PCDHGA1: variants seen among roughly 807,000 people sequenced by gnomAD.
PCDHGA1 encodes protocadherin gamma subfamily A, 1.
Under a neutral mutation model 58.0 loss-of-function variants are expected in PCDHGA1, and 32 were observed. That is an observed-to-expected ratio of 0.55 (90% CI 0.42 to 0.74). PCDHGA1 has a LOEUF of 0.74. Ranked by LOEUF, PCDHGA1 falls within the 30% of genes least tolerant of loss-of-function variation. PCDHGA1 has a pLI of 0.00. For synonymous variants in PCDHGA1, 498 were observed against 501.1 expected, an observed-to-expected ratio of 0.99 and a Z score of 0.08; for missense variants, 1,205 against 1,182.3, an observed-to-expected ratio of 1.02 and a Z score of -0.28.
In PCDHGA1 at chr5:141,361,444, A is replaced by G. The variant is rs750659023; in HGVS notation, c.2421+28339A>G. 4.3e-6 allele frequency: 7 copies of G among 1,613,988 alleles called. No individual in the cohort carries two copies. The Admixed American group carries it at 1.0e-4, about 23-fold the overall frequency. ...CAAGCCGCCCCTCTCCTCCAGCATA[A>G]TTGTCACCCTGCACATCTCCGACGT... On this transcript the variant is annotated intron_variant, in intron 1 of 3. Transcript: ENST00000517417.
At chr5:141,371,659 T>A (rs762117464) in intron 1 of PCDHGA1, 4 of 1,613,850 alleles carry the variant, frequency 2.5e-6, no homozygotes. Flanking sequence ...AATGTGACGA[T>A]CACAGCTACC....
chr5:141,408,442 G>A lies in PCDHGA1; in HGVS notation c.2421+75337G>A, dbSNP rs774397781. On this transcript the variant is annotated intron_variant, in intron 1 of 3. Transcript: ENST00000517417. ...AGCTGCACTTCAGCGTAGACGCGGA[G>A]AGCGGGGACTTACTTGTGAAGAACC... is the stretch of plus-strand genomic sequence containing the variant. 8.7e-6 allele frequency: 14 copies of A among 1,614,080 alleles called. 1 individual carries two copies. The South Asian group carries it at 1.5e-4, about 18-fold the overall frequency.
intron 1 of PCDHGA1, chr5:141,372,026 C>T (rs1469685060): frequency 6.2e-7 from 1 of 1,613,330 alleles, no homozygotes; most frequent in Non-Finnish European, 8.5e-7. Flanking sequence ...CGCTCAGCGC[C>T]AACGTGAGCC....
chr5:141,375,475 C>T (rs774489564), intron 1 of PCDHGA1: 2 of 1,614,002 alleles, frequency 1.2e-6, no homozygotes, highest in East Asian at 2.2e-5. Context: ...TCCTTGAAAA[C>T]AACCCCAGGG....
At chr5:141,362,647 G>A (rs1762612378) in intron 1 of PCDHGA1, 3 of 1,443,954 alleles carry the variant, frequency 2.1e-6, no homozygotes, top group South Asian at 1.4e-5. Context: ...TTGTCTGTGA[G>A]TTAGATTTGG....
At chr5:141,335,079 CTT>C (rs1756549691) in intron 1 of PCDHGA1, among the ~76,000 whole-genome samples, 1 of 152,086 alleles carries the variant, frequency 6.6e-6, no homozygotes, top group Non-Finnish European at 1.5e-5. Flanking sequence ...CTATTGAAGA[CTT>C]TCTCTCATTC....
Position 141,486,862 on chromosome 5 carries a change from A to G in PCDHGA1, c.2422-7945A>G. The G allele has an allele frequency of 6.2e-7, 1 of 1,614,256 alleles. No individual in the cohort carries two copies. The highest frequency in any genetic ancestry group is 1.3e-5 in the African/African-American group (1 of 75,078). On this transcript the variant is annotated intron_variant, in intron 1 of 3. Transcript: ENST00000517417. This position sits in a 1 kb window ranked among gnomAD's most constrained non-coding sequence, Gnocchi z 5.0. Reference sequence around the variant, plus strand: ...TGCTGGACCTCAATGACAATGCTCCAGCTGTGCTCCGTCCTCGGGCCCGGC... The same window carrying G: ...TGCTGGACCTCAATGACAATGCTCCGGCTGTGCTCCGTCCTCGGGCCCGGC...
chr5:141,365,231 A>G, intron 1 of PCDHGA1: 1 of 1,613,980 alleles, frequency 6.2e-7, no homozygotes, highest in Non-Finnish European at 8.5e-7. Flanking sequence ...CCTGGGGGAA[A>G]TCTCAACTCT....
At chr5:141,427,934 G>A (rs746648152) in intron 1 of PCDHGA1, 42 of 1,584,338 alleles carry the variant, frequency 2.7e-5, no homozygotes, top group Non-Finnish European at 3.6e-5. Context: ...GCATGTTGGT[G>A]GGCGACCTCA....
chr5:141,419,662 T>C (rs767190243), intron 1 of PCDHGA1: 140 of 1,612,700 alleles, frequency 8.7e-5, no homozygotes, highest in South Asian at 2.2e-5. Flanking sequence ...CGGGGCACAA[T>C]GCCTGGCTGT....
chr5:141,424,799 A>G (rs552155487), intron 1 of PCDHGA1: 90 of 152,274 alleles, frequency 5.9e-4, no homozygotes, highest in African/African-American at 2.1e-3. Context: ...ATTCAGACCA[A>G]CTTGTTATTG....
At chr5:141,375,275 GT>G in intron 1 of PCDHGA1, 3 of 1,613,902 alleles carry the variant, frequency 1.9e-6, no homozygotes, top group Non-Finnish European at 1.7e-6. Flanking sequence ...GGAAAAATCA[GT>G]TGGCAATTAT....
intron 1 of PCDHGA1, chr5:141,408,797 C>A (rs965305130): frequency 6.2e-7 from 1 of 1,612,958 alleles, no homozygotes; most frequent in African/African-American, 1.3e-5. Context: ...TCTGGAGAAA[C>A]TCCTAGACCG....
Position 141,332,057 on chromosome 5 carries a change from C to T in PCDHGA1, c.1373C>T (p.Ser458Phe). ...CCAGTCTTCCATCAGGACTCCTACT[C>T]TGCCTACATTCCCGAAAACAACCCC... The part of the protein sequence containing the change: ...NSPVFHQDSY[S>F]AYIPENNPRG... Residue 458 changes from serine (S) to phenylalanine (F), a missense_variant, in exon 1 of 4, where the codon TCT (serine) becomes TTT (phenylalanine). Coordinates refer to ENST00000517417, the MANE Select transcript of PCDHGA1 (RefSeq NM_018912.3). The surrounding 1 kb of genome is among the most constrained non-coding windows in gnomAD (Gnocchi z 4.6). The T allele has an allele frequency of 6.2e-7, 1 of 1,614,180 alleles. No individual in the cohort carries two copies. Among genetic ancestry groups the T allele is most frequent in the Non-Finnish European group, 8.5e-7 (1 of 1,180,044 alleles).
At chr5:141,409,054 T>C (rs1314214077) in intron 1 of PCDHGA1, 2 of 1,613,910 alleles carry the variant, frequency 1.2e-6, no homozygotes, top group Non-Finnish European at 1.7e-6. Flanking sequence ...TCCGAAGCAC[T>C]GCCCAGAGCA....
At chr5:141,375,816 C>A (rs755968729) in intron 1 of PCDHGA1, 6 of 1,614,194 alleles carry the variant, frequency 3.7e-6, no homozygotes, top group South Asian at 3.3e-5. Context: ...GTGGAGCTGG[C>A]GCCCCGCTCC....
intron 1 of PCDHGA1, chr5:141,366,380 C>T: frequency 6.2e-7 from 1 of 1,614,106 alleles, no homozygotes; most frequent in Non-Finnish European, 8.5e-7. Flanking sequence ...CCCCATTGAC[C>T]CTGAGGATCT....
At chr5:141,339,386 G>T (rs1240080010) in intron 1 of PCDHGA1, 4 of 1,614,218 alleles carry the variant, frequency 2.5e-6, no homozygotes, top group Non-Finnish European at 3.4e-6. Flanking sequence ...AGAGGAACTG[G>T]AGCTAAAAAT....
At chr5:141,418,894 A>G (rs200182481) in intron 1 of PCDHGA1, 2 of 1,614,004 alleles carry the variant, frequency 1.2e-6, no homozygotes, top group East Asian at 4.5e-5. Context: ...ACAACAGCCC[A>G]GAAATAATCA....
Sources: allele counts gnomAD v4.1 joint callset (sites outside exome capture counted in the v4.1 genomes callset), GRCh38; gene constraint gnomAD v4.1.1; non-coding constraint Gnocchi (gnomAD v3.1); transcripts MANE v1.5; gene names NCBI Gene and HGNC (gene_info 2026-07-23, HGNC 2026-07-21).